The following SEMA5A variants were observed in gnomAD, a reference collection of about 807,000 sequenced individuals.
The protein encoded by SEMA5A is semaphorin-5A.
SEMA5A carries 55 observed loss-of-function variants against 135.5 expected under a neutral mutation model. That is an observed-to-expected ratio of 0.41 (90% CI 0.33 to 0.51). The LOEUF (loss-of-function observed/expected upper bound fraction) is 0.51. Among genes scored for constraint, SEMA5A ranks in the 20% least tolerant of loss-of-function variants. SEMA5A has a pLI of 0.37. For synonymous variants in SEMA5A, 580 were observed against 546.5 expected (o/e 1.06, Z -0.85); for missense variants, 1,290 against 1,419.9 (o/e 0.91, Z 1.47).
chr5:9,492,710 T>C (rs1277239852), intron 1 of SEMA5A, among the ~76,000 whole-genome samples: 1 of 152,048 alleles, frequency 6.6e-6, no homozygotes, highest in Non-Finnish European at 1.5e-5. Context: ...TAGCAAGCAA[T>C]GAAAAGAAAT....
chr5:9,157,687 C>T (rs905276239), intron 11 of SEMA5A, among the ~76,000 whole-genome samples: 2 of 152,222 alleles, frequency 1.3e-5, no homozygotes, highest in Non-Finnish European at 2.9e-5. Flanking sequence ...TCTCTGTGCT[C>T]TGGCAACGGC....
At chr5:9,306,396 A>AT (rs545618563) in intron 5 of SEMA5A, among the ~76,000 whole-genome samples, 8 of 152,058 alleles carry the variant, frequency 5.3e-5, no homozygotes, top group Non-Finnish European at 7.4e-5. Context: ...CTAATACAAT[A>AT]TTTTTTTTCT....
chr5:9,095,239 C>T lies in SEMA5A; in HGVS notation c.2073+12901G>A, dbSNP rs544227982. ...GGGAGGGGAACATCACACACTGAGGCCTGTCGGTGGGGGTCTGGGGCTGGG... is the reference window on the plus strand; with the variant it reads ...GGGAGGGGAACATCACACACTGAGGTCTGTCGGTGGGGGTCTGGGGCTGGG... On this transcript the variant is annotated intron_variant, in intron 16 of 22. Transcript: ENST00000382496. 3.9e-4 allele frequency among the ~76,000 whole-genome samples: 60 copies of T among 152,066 alleles called. 1 individual carries two copies. The highest frequency in any genetic ancestry group is 1.2e-3 in the African/African-American group (49 of 41,500).
intron 3 of SEMA5A, among the ~76,000 whole-genome samples, chr5:9,375,540 C>G (rs1488172424): frequency 6.7e-6 from 1 of 150,144 alleles, no homozygotes; most frequent in Non-Finnish European, 1.5e-5. Context: ...CTGCAAACAC[C>G]GTAATTTTGG....
Position 9,153,067 on chromosome 5 carries a change from C to CAAA in SEMA5A, c.1481+1420_1481+1421insTTT, listed in dbSNP as rs1300237290. 7.8e-3 allele frequency among the ~76,000 whole-genome samples: 464 copies of CAAA among 59,144 alleles called. 1 individual carries two copies. The highest frequency in any genetic ancestry group is 0.032 in the African/African-American group (451 of 13,920). The allele number at this position is 59,144 out of a possible 152,430, so 38.8% of individuals were successfully genotyped here. The stretch of plus-strand genomic sequence containing the variant: ...TGGGTTACAGAGCAAGACTCCATTT[C>CAAA]AGAAAAAAAAAAAAAAGGCAACAAC... On this transcript the variant is annotated intron_variant, in intron 12 of 22. Transcript: ENST00000382496.
chr5:9,154,062 A>AAAATATATAT (rs1159261162), intron 12 of SEMA5A, among the ~76,000 whole-genome samples: 1 of 68,292 alleles, frequency 1.5e-5, no homozygotes. Flanking sequence ...AAAAAAAAAA[A>AAAATATATAT]ATATATATAT....
At chr5:9,418,284 C>G (rs1757350388) in intron 2 of SEMA5A, among the ~76,000 whole-genome samples, 1 of 152,176 alleles carries the variant, frequency 6.6e-6, no homozygotes, top group African/African-American at 2.4e-5. Flanking sequence ...CCCAGTGTCT[C>G]TTCTTATAAA....
At chr5:9,512,304 T>C (rs556148014) in intron 1 of SEMA5A, among the ~76,000 whole-genome samples, 113 of 152,352 alleles carry the variant, frequency 7.4e-4, no homozygotes, top group Non-Finnish European at 7.3e-5. Flanking sequence ...TTTTATTATA[T>C]ATAACATCAT....
At chr5:9,056,305 T>C (rs1736888187) in intron 18 of SEMA5A, among the ~76,000 whole-genome samples, 1 of 152,176 alleles carries the variant, frequency 6.6e-6, no homozygotes, top group African/African-American at 2.4e-5. Context: ...AAATGGCTAT[T>C]ATCCAAAAAA....
At chr5:9,171,548 C>A (rs1306954652) in intron 11 of SEMA5A, among the ~76,000 whole-genome samples, 1 of 152,204 alleles carries the variant, frequency 6.6e-6, no homozygotes, top group African/African-American at 2.4e-5. Flanking sequence ...GCCCCCAGCT[C>A]TCCAGCTTCC....
chr5:9,531,311 C>T (rs1165659769), intron 1 of SEMA5A, among the ~76,000 whole-genome samples: 1 of 152,188 alleles, frequency 6.6e-6, no homozygotes, highest in South Asian at 2.1e-4. Flanking sequence ...GGTCTTCAGG[C>T]CACCTACATT....
intron 21 of SEMA5A, among the ~76,000 whole-genome samples, chr5:9,049,321 C>T (rs1253476854): frequency 6.6e-6 from 1 of 152,096 alleles, no homozygotes; most frequent in Non-Finnish European, 1.5e-5. Context: ...GCCATCATGC[C>T]AGCTAATTTT....
chr5:9,249,734 A>T (rs1444175582), intron 5 of SEMA5A, among the ~76,000 whole-genome samples: 2 of 152,166 alleles, frequency 1.3e-5, no homozygotes, highest in Non-Finnish European at 2.9e-5. Context: ...AGGGATCTGG[A>T]GATGGATGAA....
chr5:9,443,224 T>C (rs1758303995), intron 1 of SEMA5A, among the ~76,000 whole-genome samples: 1 of 152,060 alleles, frequency 6.6e-6, no homozygotes, highest in Non-Finnish European at 1.5e-5. Flanking sequence ...CTTGAAAGAA[T>C]GGCAATCTCT....
At chr5:9,374,301 C>A (rs1755266498) in intron 3 of SEMA5A, among the ~76,000 whole-genome samples, 1 of 152,114 alleles carries the variant, frequency 6.6e-6, no homozygotes, top group Non-Finnish European at 1.5e-5. Flanking sequence ...TTCTGCCTAG[C>A]CAGGTAAATC....
intron 18 of SEMA5A, among the ~76,000 whole-genome samples, chr5:9,059,165 T>C (rs1737048604): frequency 6.9e-6 from 1 of 145,654 alleles, no homozygotes; most frequent in African/African-American, 2.8e-5. Context: ...ACCTTCATTT[T>C]CTTTTCTTTT....
intron 5 of SEMA5A, among the ~76,000 whole-genome samples, chr5:9,302,214 G>A (rs1048809789): frequency 2.6e-5 from 4 of 152,074 alleles, no homozygotes; most frequent in African/African-American, 9.7e-5. Context: ...TCACATCTTT[G>A]CCATGTAAGG....
chr5:9,328,793 G>T (rs1210893717), intron 4 of SEMA5A, among the ~76,000 whole-genome samples: 2 of 152,094 alleles, frequency 1.3e-5, no homozygotes, highest in African/African-American at 4.8e-5. Flanking sequence ...TCACAAAAAA[G>T]ATTCTGGCAT....
At chr5:9,190,585 T>A (rs1806094) in intron 10 of SEMA5A, 114 bp from the exon 11 acceptor site, 4 of 876,176 alleles carry the variant, frequency 4.6e-6, no homozygotes, top group Non-Finnish European at 5.4e-6. Context: ...CAATCCATCA[T>A]TGAAGTATGC....
Sources: gnomAD v4.1 joint callset for allele counts (sites outside exome capture counted in the v4.1 genomes callset) on GRCh38, gnomAD v4.1.1 for gene constraint, MANE v1.5 for transcripts, NCBI Gene and HGNC (gene_info 2026-07-23, HGNC 2026-07-21) for gene names.